Variants in RBMS3 observed in about 807,000 individuals in gnomAD.
The protein encoded by RBMS3 is RNA-binding motif, single-stranded-interacting protein 3.
RBMS3 carries 27 observed loss-of-function variants against 66.8 expected under a neutral mutation model. The observed-to-expected ratio is 0.40, with a 90% CI of 0.30 to 0.56. The LOEUF is 0.56. RBMS3 is among the 20% of genes least tolerant of loss of function. RBMS3 has a pLI of 0.40. For synonymous variants in RBMS3, 188 were observed against 183.0 expected (o/e 1.03, Z -0.22); for missense variants, 513 against 549.5 (o/e 0.93, Z 0.66).
At chr3:29,941,466 A>G (rs999953730) in intron 11 of RBMS3, among the ~76,000 whole-genome samples, 2 of 151,844 alleles carry the variant, frequency 1.3e-5, no homozygotes, top group African/African-American at 4.8e-5. Flanking sequence ...TTTAGGAAAA[A>G]ATATTAATTA....
At chr3:29,998,375 A>G (rs1577355958) in intron 14 of RBMS3, among the ~76,000 whole-genome samples, 1 of 152,278 alleles carries the variant, frequency 6.6e-6, no homozygotes, top group East Asian at 1.9e-4. Flanking sequence ...CATCCCCATC[A>G]AGCTACCAAT....
At chr3:29,803,247 C>A (rs996538183) in intron 6 of RBMS3, among the ~76,000 whole-genome samples, 5 of 152,120 alleles carry the variant, frequency 3.3e-5, no homozygotes, top group African/African-American at 1.2e-4. Context: ...GACTTCAAAT[C>A]AGTATTTTCA....
At chr3:29,550,779 T>C (rs1221952633) in intron 3 of RBMS3, among the ~76,000 whole-genome samples, 1 of 152,194 alleles carries the variant, frequency 6.6e-6, no homozygotes, top group African/African-American at 2.4e-5. Flanking sequence ...TTTTGGCAAG[T>C]GTATTTCAAG....
chr3:29,482,386 A>T (rs547748064), intron 2 of RBMS3, among the ~76,000 whole-genome samples: 2 of 152,154 alleles, frequency 1.3e-5, no homozygotes, highest in African/African-American at 4.8e-5. Flanking sequence ...CCAGATTTAC[A>T]TCTATTTCTA....
intron 3 of RBMS3, among the ~76,000 whole-genome samples, chr3:29,559,731 T>TTGAATGAA (rs902123697): frequency 1.3e-5 from 2 of 152,020 alleles, no homozygotes; most frequent in African/African-American, 4.8e-5. Context: ...TTTGCATTTA[T>TTGAATGAA]TGAATGAATG....
intron 1 of RBMS3, among the ~76,000 whole-genome samples, chr3:29,414,599 T>C (rs2040402185): frequency 6.6e-6 from 1 of 152,220 alleles, no homozygotes; most frequent in Non-Finnish European, 1.5e-5. Flanking sequence ...ACAAATGTGT[T>C]ACATGTTTCA....
intron 4 of RBMS3, among the ~76,000 whole-genome samples, chr3:29,659,586 A>G (rs2050455196): frequency 6.6e-6 from 1 of 152,226 alleles, no homozygotes; most frequent in South Asian, 2.1e-4. Flanking sequence ...GAATACTATT[A>G]CAGTATATGT....
intron 4 of RBMS3, among the ~76,000 whole-genome samples, chr3:29,720,415 A>G (rs1036474817): frequency 2.6e-5 from 4 of 152,168 alleles, no homozygotes; most frequent in Non-Finnish European, 5.9e-5. Context: ...GTGTCCATTA[A>G]TCTTTACAGT....
At chr3:29,395,266 A>G (rs1008379036) in intron 1 of RBMS3, among the ~76,000 whole-genome samples, 1 of 152,218 alleles carries the variant, frequency 6.6e-6, no homozygotes, top group Non-Finnish European at 1.5e-5. Context: ...AACTTCTGGA[A>G]TTAGGTATTA....
intron 12 of RBMS3, among the ~76,000 whole-genome samples, chr3:29,950,440 AG>A (rs1248450338): frequency 6.6e-6 from 1 of 151,902 alleles, no homozygotes; most frequent in Admixed American, 6.6e-5. Flanking sequence ...TTGCGTGTGC[AG>A]GAATCAGCAC....
chr3:29,710,088 T>C (rs2053099386), intron 4 of RBMS3, among the ~76,000 whole-genome samples: 1 of 152,214 alleles, frequency 6.6e-6, no homozygotes, highest in Non-Finnish European at 1.5e-5. Context: ...CTGTTCAAAC[T>C]TGGTTGATAC....
intron 1 of RBMS3, among the ~76,000 whole-genome samples, chr3:29,426,209 A>G (rs2125710033): frequency 6.6e-6 from 1 of 152,344 alleles, no homozygotes; most frequent in East Asian, 1.9e-4. Context: ...GAGATAAAAA[A>G]TTAGTCAAAT....
intron 12 of RBMS3, among the ~76,000 whole-genome samples, chr3:29,967,290 A>G (rs993233764): frequency 2.6e-5 from 4 of 152,046 alleles, no homozygotes; most frequent in Non-Finnish European, 4.4e-5. Flanking sequence ...TTGAATGTCT[A>G]GTAGAAATCT....
chr3:29,694,608 T>C (rs2052180412), intron 4 of RBMS3, among the ~76,000 whole-genome samples: 1 of 152,200 alleles, frequency 6.6e-6, no homozygotes, highest in African/African-American at 2.4e-5. Flanking sequence ...AGTAATTTCC[T>C]GCTTGATTTT....
At chr3:29,830,744 A>C (rs1348842144) in intron 6 of RBMS3, among the ~76,000 whole-genome samples, 2 of 152,146 alleles carry the variant, frequency 1.3e-5, no homozygotes, top group African/African-American at 4.8e-5. Flanking sequence ...TGCATCAAAT[A>C]CAAAAGCAAG....
chr3:29,366,072 G>C (rs1192965097), intron 1 of RBMS3, among the ~76,000 whole-genome samples: 1 of 152,136 alleles, frequency 6.6e-6, no homozygotes, highest in Non-Finnish European at 1.5e-5. Context: ...CCAACTTTAA[G>C]CTTTAAAAAT....
chr3:29,890,874 T>C (rs2059985746), intron 8 of RBMS3, among the ~76,000 whole-genome samples: 2 of 151,582 alleles, frequency 1.3e-5, no homozygotes, highest in Admixed American at 6.6e-5. Context: ...TTTATTTATT[T>C]TTTTTTCAAA....
chr3:30,001,619 G>C (rs1362722366), intron 14 of RBMS3, among the ~76,000 whole-genome samples: 1 of 151,748 alleles, frequency 6.6e-6, no homozygotes, highest in Non-Finnish European at 1.5e-5. Context: ...TCAATGATGA[G>C]CAAATTATGT....
At chr3:29,871,007 C>T (rs2059478652) in intron 7 of RBMS3, among the ~76,000 whole-genome samples, 1 of 152,024 alleles carries the variant, frequency 6.6e-6, no homozygotes, top group African/African-American at 2.4e-5. Context: ...GTGTGCCCAT[C>T]ACTTTATATT....
Sources: allele counts gnomAD v4.1 joint callset (sites outside exome capture counted in the v4.1 genomes callset), GRCh38; gene constraint gnomAD v4.1.1; transcripts MANE v1.5; gene names NCBI Gene and HGNC (gene_info 2026-07-23, HGNC 2026-07-21).